LRMDA: variants seen among roughly 807,000 people sequenced by gnomAD.
LRMDA encodes leucine-rich melanocyte differentiation-associated protein.
In LRMDA, 18 loss-of-function variants were observed where a neutral mutation model predicts 29.8. The ratio of observed to expected loss-of-function variants is 0.60; its 90% CI spans 0.42 to 0.90. LRMDA has a LOEUF of 0.90. LRMDA is among the 40% of genes least tolerant of loss of function. The pLI, the probability that LRMDA is intolerant of heterozygous loss-of-function variation, is 0.00. For missense variants in LRMDA, 273 were observed against 273.9 expected, an observed-to-expected ratio of 1.00 and a Z score of 0.02; for synonymous variants, 125 against 109.4, an observed-to-expected ratio of 1.14 and a Z score of -0.89.
chr10:75,800,184 A>G (rs995136837), intron 2 of LRMDA, among the ~76,000 whole-genome samples: 2 of 152,096 alleles, frequency 1.3e-5, no homozygotes, highest in South Asian at 2.1e-4. Flanking sequence ...ACACATATTT[A>G]TGATTTGTAT....
intron 5 of LRMDA, among the ~76,000 whole-genome samples, chr10:76,168,612 CA>C (rs1336363431): frequency 6.7e-6 from 1 of 148,936 alleles, no homozygotes; most frequent in Non-Finnish European, 1.5e-5. Context: ...GTAAAGATAG[CA>C]AAAAAAGGAA....
At chr10:75,879,688 G>C (rs1421232424) in intron 2 of LRMDA, among the ~76,000 whole-genome samples, 1 of 152,150 alleles carries the variant, frequency 6.6e-6, no homozygotes, top group Non-Finnish European at 1.5e-5. Flanking sequence ...GGGGTCTTAT[G>C]AAAAGCCATT....
chr10:75,528,712 A>G (rs1286823762), intron 2 of LRMDA, among the ~76,000 whole-genome samples: 1 of 152,198 alleles, frequency 6.6e-6, no homozygotes, highest in Non-Finnish European at 1.5e-5. Flanking sequence ...CTTGATGTTT[A>G]TGAGAAACCT....
At chr10:76,280,463 C>T (rs1840189042) in intron 5 of LRMDA, among the ~76,000 whole-genome samples, 1 of 152,154 alleles carries the variant, frequency 6.6e-6, no homozygotes, top group Non-Finnish European at 1.5e-5. Flanking sequence ...ATTGTCTACC[C>T]TGATACTGAA....
rs541813981 is a variant in LRMDA at position 75,795,589 on chromosome 10, C to T, written c.132-240419C>T. On this transcript the variant is annotated intron_variant, in intron 2 of 6. Transcript: ENST00000611255. ...TGTGTTATCTGCTCTGTTCCATTGA[C>T]CTATTTTTCTACCTTTATGCAATTA... Among the ~76,000 whole-genome samples, 23 of 152,196 alleles carry T rather than the reference C, an allele frequency of 1.5e-4. 1 individual carries two copies. In the Middle Eastern group the frequency reaches 0.01, roughly 68 times the overall value.
intron 6 of LRMDA, among the ~76,000 whole-genome samples, chr10:76,333,940 C>T (rs1335803823): frequency 6.6e-6 from 1 of 152,120 alleles, no homozygotes; most frequent in Non-Finnish European, 1.5e-5. Context: ...TGCCTGTTGC[C>T]CCTCTGTCGG....
At chr10:76,455,382 G>T (rs763500373) in intron 6 of LRMDA, among the ~76,000 whole-genome samples, 10 of 152,110 alleles carry the variant, frequency 6.6e-5, no homozygotes, top group Non-Finnish European at 1.0e-4. Context: ...TCCTAGGCTC[G>T]GCTGGTCACC....
intron 5 of LRMDA, among the ~76,000 whole-genome samples, chr10:76,295,760 C>T (rs1279882124): frequency 2.6e-5 from 4 of 152,304 alleles, no homozygotes; most frequent in Non-Finnish European, 4.4e-5. Context: ...TCTTCAGTTC[C>T]ACTTTCAGAT....
At chr10:75,953,861 T>G (rs1275299766) in intron 2 of LRMDA, among the ~76,000 whole-genome samples, 1 of 152,156 alleles carries the variant, frequency 6.6e-6, no homozygotes, top group Non-Finnish European at 1.5e-5. Flanking sequence ...ACTGCCCTGA[T>G]TCTGTTGTGT....
At chr10:75,665,803 G>A (rs556450452) in intron 2 of LRMDA, among the ~76,000 whole-genome samples, 71 of 152,192 alleles carry the variant, frequency 4.7e-4, no homozygotes, top group South Asian at 8.3e-4. Flanking sequence ...AAGTCTGTAA[G>A]TTGTAGGAAA....
intron 5 of LRMDA, among the ~76,000 whole-genome samples, chr10:76,118,008 C>T (rs572874864): frequency 6.6e-6 from 1 of 152,314 alleles, no homozygotes; most frequent in Admixed American, 6.5e-5. Context: ...CCTCTGTGCA[C>T]ACTGCTTTAT....
chr10:76,120,631 C>T (rs570428881), intron 5 of LRMDA, among the ~76,000 whole-genome samples: 1 of 152,050 alleles, frequency 6.6e-6, no homozygotes, highest in Admixed American at 6.5e-5. Flanking sequence ...GGGATGATAG[C>T]ATAAGAAATG....
At chr10:75,831,957 C>T (rs905090903) in intron 2 of LRMDA, among the ~76,000 whole-genome samples, 2 of 152,180 alleles carry the variant, frequency 1.3e-5, no homozygotes, top group Non-Finnish European at 2.9e-5. Flanking sequence ...GGACCCTGGG[C>T]CCAGCCCGTG....
At chr10:76,220,635 T>A (rs575644020) in intron 5 of LRMDA, among the ~76,000 whole-genome samples, 2 of 152,214 alleles carry the variant, frequency 1.3e-5, no homozygotes, top group Non-Finnish European at 2.9e-5. Context: ...ATCAATAACT[T>A]ACCAACCAAA....
intron 2 of LRMDA, among the ~76,000 whole-genome samples, chr10:75,548,725 C>G (rs559234243): frequency 6.6e-6 from 1 of 152,030 alleles, no homozygotes; most frequent in Non-Finnish European, 1.5e-5. Flanking sequence ...TTTCTTATCT[C>G]TTTGATCTCT....
chr10:76,399,746 T>C (rs1380537291), intron 6 of LRMDA, among the ~76,000 whole-genome samples: 1 of 152,156 alleles, frequency 6.6e-6, no homozygotes, highest in Non-Finnish European at 1.5e-5. Context: ...GAACTTTTAT[T>C]TTCTCCCTTG....
intron 6 of LRMDA, among the ~76,000 whole-genome samples, chr10:76,474,622 A>G (rs148244396): frequency 6.6e-6 from 1 of 151,766 alleles, no homozygotes; most frequent in Admixed American, 6.6e-5. Context: ...ACACACCACC[A>G]GAGGCTCAAC....
chr10:75,958,021 A>G (rs921354781), intron 2 of LRMDA, among the ~76,000 whole-genome samples: 2 of 152,198 alleles, frequency 1.3e-5, no homozygotes, highest in Admixed American at 6.5e-5. Context: ...GCAGAGGGCA[A>G]AAAGGAGATG....
chr10:75,588,102 G>A (rs1219423603), intron 2 of LRMDA, among the ~76,000 whole-genome samples: 1 of 152,210 alleles, frequency 6.6e-6, no homozygotes, highest in Non-Finnish European at 1.5e-5. Flanking sequence ...ATAATCTCAA[G>A]GGGGCACCAT....
Sources: gnomAD v4.1 joint callset for allele counts (sites outside exome capture counted in the v4.1 genomes callset) on GRCh38, gnomAD v4.1.1 for gene constraint, MANE v1.5 for transcripts, NCBI Gene and HGNC (gene_info 2026-07-23, HGNC 2026-07-21) for gene names.